NANP: variants seen among roughly 807,000 people sequenced by gnomAD.
NANP encodes N-acetylneuraminic acid phosphatase, also known as N-acylneuraminate-9-phosphatase.
Under a neutral mutation model 16.9 loss-of-function variants are expected in NANP, and 15 were observed. The ratio of observed to expected loss-of-function variants is 0.89; its 90% CI spans 0.59 to 1.37. NANP has a LOEUF of 1.37. Ranked by LOEUF, NANP falls within the 40% of genes most tolerant of loss-of-function variation. The pLI is 0.00. For missense variants in NANP, 290 were observed against 303.5 expected, an observed-to-expected ratio of 0.96 and a Z score of 0.33; for synonymous variants, 135 against 112.6, an observed-to-expected ratio of 1.20 and a Z score of -1.26.
chr20:25,623,065 A>C (rs1164484941), intron 1 of NANP, among the ~76,000 whole-genome samples: 1 of 152,346 alleles, frequency 6.6e-6, no homozygotes, highest in East Asian at 1.9e-4. Flanking sequence ...CGGGGCGCTC[A>C]GGTTTGGATG....
At position 25,615,777 on chromosome 20, in the gene NANP, G is replaced by T; in HGVS notation, c.*148C>A. The T allele has an allele frequency of 1.3e-6, 1 of 759,308 alleles. No homozygotes were observed. The highest frequency in any genetic ancestry group is 2.7e-5 in the East Asian group (1 of 36,876). The allele number at this position is 759,308 out of a possible 1,614,324, so 47.0% of individuals were successfully genotyped here. On this transcript the variant is annotated 3_prime_UTR_variant, in exon 2 of 2. Coordinates refer to ENST00000304788, the MANE Select transcript of NANP (RefSeq NM_152667.3). ...GTTGTTACAACTTAGAAGCAATAGGGTTGGGAAGACCTTCAAAATATTGGC... is the reference window on the plus strand; with the variant it reads ...GTTGTTACAACTTAGAAGCAATAGGTTTGGGAAGACCTTCAAAATATTGGC...
Position 25,623,872 on chromosome 20 carries a change from C to T in NANP, c.77G>A (p.Arg26Lys). 1.2e-6 allele frequency: 2 copies of T among 1,613,550 alleles called. No individual in the cohort carries two copies. Among genetic ancestry groups the T allele is most frequent in the Non-Finnish European group, 1.7e-6 (2 of 1,179,780 alleles). ...TGGGGACGTTACCTCCAACATGCCTCTCCTGCTCGCCCCGGCCGTGTCGAT... is the reference window on the plus strand; with the variant it reads ...TGGGGACGTTACCTCCAACATGCCTTTCCTGCTCGCCCCGGCCGTGTCGAT... ...TLIDTAGASR[R>K]GMLEVIKLLQ... Residue 26 changes from arginine (R) to lysine (K), a missense_variant, in exon 1 of 2, where the codon AGA (arginine) becomes AAA (lysine). Coordinates refer to ENST00000304788, the MANE Select transcript of NANP (RefSeq NM_152667.3).
chr20:25,618,560 C>T (rs922796975), intron 1 of NANP, among the ~76,000 whole-genome samples: 1 of 151,978 alleles, frequency 6.6e-6, no homozygotes, highest in Admixed American at 6.6e-5. Flanking sequence ...ATTCACTCGC[C>T]AGTGGCTTCC....
intron 1 of NANP, among the ~76,000 whole-genome samples, chr20:25,620,358 C>T (rs2065359541): frequency 6.6e-6 from 1 of 152,156 alleles, no homozygotes; most frequent in Non-Finnish European, 1.5e-5. Context: ...GACAGAAGGG[C>T]TATCCGTTAG....
At chr20:25,619,174 G>C (rs2065355625) in intron 1 of NANP, among the ~76,000 whole-genome samples, 1 of 150,202 alleles carries the variant, frequency 6.7e-6, no homozygotes, top group Admixed American at 6.6e-5. Context: ...ACTCAGGCTG[G>C]ATGGAGTGCA....
In NANP at chr20:25,615,762, C is replaced by T; in HGVS notation, c.*163G>A. On this transcript the variant is annotated 3_prime_UTR_variant, in exon 2 of 2. Coordinates refer to ENST00000304788, the MANE Select transcript of NANP (RefSeq NM_152667.3). ...ACCACTCAATGGTTGGTTGTTACAA[C>T]TTAGAAGCAATAGGGTTGGGAAGAC... 1 of 685,918 alleles carries T rather than the reference C, an allele frequency of 1.5e-6. No individual in the cohort carries two copies. The highest frequency in any genetic ancestry group is 2.8e-5 in the East Asian group (1 of 36,048). 42.5% of individuals were successfully genotyped at this position (685,918 alleles called of 1,614,324 possible).
intron 1 of NANP, among the ~76,000 whole-genome samples, chr20:25,623,642 C>T (rs2069584105): frequency 6.6e-6 from 1 of 152,184 alleles, no homozygotes; most frequent in Non-Finnish European, 1.5e-5. Flanking sequence ...CTCCAGGGCT[C>T]GAGATTGGGT....
chr20:25,622,695 G>C (rs2065370206), intron 1 of NANP, among the ~76,000 whole-genome samples: 1 of 152,218 alleles, frequency 6.6e-6, no homozygotes. Flanking sequence ...AAGTCATGAA[G>C]ACAGACTTTA....
At position 25,616,075 on chromosome 20, in the gene NANP, G is replaced by T. The variant is rs1042294237; in HGVS notation, c.597C>A (p.Leu199=). 3 of 1,614,134 alleles carry T rather than the reference G, an allele frequency of 1.9e-6. No homozygotes were observed. The highest frequency in any genetic ancestry group is 2.5e-6 in the Non-Finnish European group (3 of 1,180,028). The change falls in exon 2 of 2, where the codon CTC becomes CTA. Residue 199 remains leucine, a synonymous_variant. Coordinates refer to ENST00000304788, the MANE Select transcript of NANP (RefSeq NM_152667.3). The part of the protein sequence containing the change: ...DTLETDIQGG[L]NAGLKATVWI... ...AGACTGTTGCTTTCAATCCTGCATT[G>T]AGGCCTCCTTGGATGTCGGTTTCTA...
chr20:25,616,750 A>G (rs1453555484), intron 1 of NANP, among the ~76,000 whole-genome samples, 169 bp from the exon 2 acceptor site: 1 of 152,212 alleles, frequency 6.6e-6, no homozygotes, highest in Non-Finnish European at 1.5e-5. Context: ...TTTAGAGACA[A>G]CAAAGTGAGG....
At chr20:25,620,437 G>A (rs550726723) in intron 1 of NANP, among the ~76,000 whole-genome samples, 233 of 152,234 alleles carry the variant, frequency 1.5e-3, no homozygotes, top group African/African-American at 5.2e-3. Context: ...GAACGTATAC[G>A]AAAAAGGAAA....
At chr20:25,623,282 G>C (rs1301765477) in intron 1 of NANP, among the ~76,000 whole-genome samples, 1 of 152,228 alleles carries the variant, frequency 6.6e-6, no homozygotes, top group Non-Finnish European at 1.5e-5. Flanking sequence ...GCTGTGTCAC[G>C]TGTCAGAAAG....
Position 25,624,001 on chromosome 20 carries a change from G to T in NANP, c.-53C>A. The T allele has an allele frequency of 6.4e-7, 1 of 1,571,162 alleles. No individual in the cohort carries two copies. Among genetic ancestry groups the T allele is most frequent in the Non-Finnish European group, 8.7e-7 (1 of 1,149,006 alleles). On this transcript the variant is annotated 5_prime_UTR_variant, in exon 1 of 2. Coordinates refer to ENST00000304788, the MANE Select transcript of NANP (RefSeq NM_152667.3). ...CCTTGCCACCGCCGCCTGCGCATGC[G>T]CAAGGCGGACTGCCCAGAGAGACGT...
chr20:25,616,302 C>A lies in NANP; in HGVS notation c.370G>T (p.Glu124Ter), dbSNP rs752419937. ...TTCGTTAATAGAAGTAGGCGGACCT[C>A]CTTTCGAAGTTCAGTAAGCATGGCT... Reference protein sequence around the residue: ...VKAMLTELRKEVRLLLLTNGD... With the variant: ...VKAMLTELRK The change falls in exon 2 of 2, where the codon GAG (glutamate) becomes TAG (stop). Residue 124 changes from glutamate to a stop codon, truncating the protein, a stop_gained. Coordinates refer to ENST00000304788, the MANE Select transcript of NANP (RefSeq NM_152667.3). LOFTEE classifies it high-confidence loss of function. The A allele has an allele frequency of 4.3e-6, 7 of 1,614,172 alleles. No individual in the cohort carries two copies. Among genetic ancestry groups the A allele is most frequent in the Non-Finnish European group, 5.9e-6 (7 of 1,180,018 alleles).
At position 25,615,604 on chromosome 20, in the gene NANP, C is replaced by A. The variant is rs930861492; in HGVS notation, c.*321G>T. 1 of 207,686 alleles carries A rather than the reference C, an allele frequency of 4.8e-6. No homozygotes were observed. Among genetic ancestry groups the A allele is most frequent in the African/African-American group, 2.3e-5 (1 of 43,294 alleles). The allele number at this position is 207,686 out of a possible 1,614,324, so 12.9% of individuals were successfully genotyped here. A position where few individuals can be genotyped will look rare whatever the true frequency, so the allele number is the denominator to read the frequency against. ...AGCAATCCTGCTTGGCATTATGCAGCCAAGATACTAAAAGATTAATAACAT... is the reference window on the plus strand; with the variant it reads ...AGCAATCCTGCTTGGCATTATGCAGACAAGATACTAAAAGATTAATAACAT... On this transcript the variant is annotated 3_prime_UTR_variant, in exon 2 of 2. Coordinates refer to ENST00000304788, the MANE Select transcript of NANP (RefSeq NM_152667.3).
chr20:25,623,144 G>A (rs1042468451), intron 1 of NANP, among the ~76,000 whole-genome samples: 5 of 152,266 alleles, frequency 3.3e-5, no homozygotes, highest in Admixed American at 1.3e-4. Flanking sequence ...GCTGAAGGTA[G>A]AGAAAGGGAA....
Position 25,616,237 on chromosome 20 carries a change from A to C in NANP, c.435T>G (p.Cys145Trp), listed in dbSNP as rs769020911. The change falls in exon 2 of 2, where the codon TGT (cysteine) becomes TGG (tryptophan). Residue 145 changes from cysteine (C) to tryptophan (W), a missense_variant. Coordinates refer to ENST00000304788, the MANE Select transcript of NANP (RefSeq NM_152667.3). ...RQTQREKIEACACQSYFDAVV... is the reference protein window; with the variant it reads ...RQTQREKIEAWACQSYFDAVV... Reference sequence around the variant, plus strand: ...CAGCGTCAAAATAGGACTGACAGGCACAAGCCTCAATCTTCTCCCTCTGGG... The same window carrying C: ...CAGCGTCAAAATAGGACTGACAGGCCCAAGCCTCAATCTTCTCCCTCTGGG... The C allele has an allele frequency of 3.7e-6, 6 of 1,614,188 alleles. No individual in the cohort carries two copies. Among genetic ancestry groups the C allele is most frequent in the Non-Finnish European group, 5.1e-6 (6 of 1,180,038 alleles).
In NANP at chr20:25,616,190, C is replaced by T. The variant is rs1232603931; in HGVS notation, c.482G>A (p.Arg161Lys). The change falls in exon 2 of 2, where the codon AGA becomes AAA. Residue 161 changes from arginine (R) to lysine (K), a missense_variant. By Grantham distance (26) the Arg-to-Lys change is conservative. Transcript: ENST00000304788. ...TATGGACGGTGCTGGTTTCTCCTCT[C>T]TCTGCTCTCCACCTACAACAACAGC... ...FDAVVVGGEQREEKPAPSIFY... is the reference protein window; with the variant it reads ...FDAVVVGGEQKEEKPAPSIFY... 3 of 1,614,038 alleles carry T rather than the reference C, an allele frequency of 1.9e-6. No homozygotes were observed. The highest frequency in any genetic ancestry group is 1.3e-5 in the African/African-American group (1 of 74,926).
intron 1 of NANP, among the ~76,000 whole-genome samples, chr20:25,622,439 C>T (rs930972736): frequency 6.6e-6 from 1 of 152,204 alleles, no homozygotes; most frequent in Non-Finnish European, 1.5e-5. Context: ...CCTTGAGGCA[C>T]TTTCAGCTAG....
Sources: allele counts gnomAD v4.1 joint callset (sites outside exome capture counted in the v4.1 genomes callset), GRCh38; gene constraint gnomAD v4.1.1; transcripts MANE v1.5; gene names NCBI Gene and HGNC (gene_info 2026-07-23, HGNC 2026-07-21).